The following PCDH15 variants were observed in gnomAD, a reference collection of about 807,000 sequenced individuals.
The protein encoded by PCDH15 is protocadherin related 15, also known as protocadherin-15.
In PCDH15, 129 loss-of-function variants were observed where a neutral mutation model predicts 178.5. The observed-to-expected ratio is 0.72, with a 90% CI of 0.63 to 0.84. PCDH15 has a LOEUF of 0.84. Ranked by LOEUF, PCDH15 falls within the 40% of genes least tolerant of loss-of-function variation. The pLI, the probability that PCDH15 is intolerant of heterozygous loss-of-function variation, is 0.00. For synonymous variants in PCDH15, 800 were observed against 732.0 expected (o/e 1.09, Z -1.50); for missense variants, 2,230 against 2,099.9 (o/e 1.06, Z -1.21).
intron 1 of PCDH15, among the ~76,000 whole-genome samples, chr10:55,204,290 T>G (rs1005388032): frequency 2.0e-5 from 3 of 150,484 alleles, no homozygotes; most frequent in African/African-American, 4.9e-5. Flanking sequence ...GTATTGAATT[T>G]TATGTATATA....
At chr10:54,043,561 T>C (rs543363931) in intron 18 of PCDH15, among the ~76,000 whole-genome samples, 43 of 150,776 alleles carry the variant, frequency 2.9e-4, no homozygotes, top group African/African-American at 1.0e-3. Context: ...CTAATTTTTG[T>C]ATTTTTTTGT....
intron 25 of PCDH15, among the ~76,000 whole-genome samples, chr10:53,916,958 A>T (rs2083577899): frequency 6.6e-6 from 1 of 152,088 alleles, no homozygotes; most frequent in South Asian, 2.1e-4. Context: ...TACCAATAGC[A>T]TGAAATTGAA....
chr10:55,075,529 C>A (rs1723410895), intron 2 of PCDH15, among the ~76,000 whole-genome samples: 1 of 151,858 alleles, frequency 6.6e-6, no homozygotes, highest in Non-Finnish European at 1.5e-5. Flanking sequence ...CCGTGTCCAG[C>A]TAATTTTTGT....
intron 9 of PCDH15, among the ~76,000 whole-genome samples, chr10:54,215,660 A>G (rs1404694221): frequency 1.3e-5 from 2 of 152,220 alleles, no homozygotes; most frequent in Admixed American, 6.5e-5. Flanking sequence ...AGAAAAAGAG[A>G]TAAGTTTAAC....
At chr10:54,374,708 T>C (rs1171575069) in intron 4 of PCDH15, among the ~76,000 whole-genome samples, 2 of 151,622 alleles carry the variant, frequency 1.3e-5, no homozygotes, top group Non-Finnish European at 2.9e-5. Flanking sequence ...AACAAAAAAA[T>C]AAAAATAAGA....
intron 1 of PCDH15, among the ~76,000 whole-genome samples, chr10:55,210,621 T>C (rs1484463958): frequency 1.3e-5 from 1 of 79,828 alleles, no homozygotes; most frequent in African/African-American, 4.2e-5. Flanking sequence ...TTCTTTTCTT[T>C]TTTTTTTTTT....
intron 2 of PCDH15, among the ~76,000 whole-genome samples, chr10:55,350,582 A>G (rs1385024908): frequency 6.6e-6 from 1 of 151,992 alleles, no homozygotes; most frequent in Non-Finnish European, 1.5e-5. Context: ...TTCCACTTCT[A>G]GACATCAAGT....
intron 6 of PCDH15, among the ~76,000 whole-genome samples, chr10:54,345,504 G>A (rs1270202841): frequency 6.6e-6 from 1 of 151,980 alleles, no homozygotes. Context: ...AAGAAAGTGG[G>A]GAGATGTGAG....
At chr10:53,834,203 CA>C (rs1281763884) in intron 29 of PCDH15, among the ~76,000 whole-genome samples, 1 of 152,090 alleles carries the variant, frequency 6.6e-6, no homozygotes, top group East Asian at 1.9e-4. Flanking sequence ...AGGAAAGGGA[CA>C]ATTCTCACGA....
intron 5 of PCDH15, among the ~76,000 whole-genome samples, chr10:54,347,607 A>C (rs1294446975): frequency 6.6e-6 from 1 of 152,076 alleles, no homozygotes; most frequent in Non-Finnish European, 1.5e-5. Flanking sequence ...CTGAAAATTC[A>C]CATTTTACAA....
intron 11 of PCDH15, among the ~76,000 whole-genome samples, chr10:54,187,210 A>G (rs2133835303): frequency 6.6e-6 from 1 of 151,980 alleles, no homozygotes; most frequent in East Asian, 1.9e-4. Flanking sequence ...TTTTGTTCAA[A>G]TCTCATCATT....
At chr10:54,420,257 A>G (rs1955055424) in intron 3 of PCDH15, among the ~76,000 whole-genome samples, 1 of 152,038 alleles carries the variant, frequency 6.6e-6, no homozygotes, top group Admixed American at 6.6e-5. Flanking sequence ...TTCCTTCCTA[A>G]CTTCCCCTGC....
At chr10:55,022,245 G>A (rs936566123) in intron 2 of PCDH15, among the ~76,000 whole-genome samples, 2 of 152,020 alleles carry the variant, frequency 1.3e-5, no homozygotes, top group Non-Finnish European at 2.9e-5. Flanking sequence ...TTGAGATCAG[G>A]AGTTCAAGAC....
intron 2 of PCDH15, among the ~76,000 whole-genome samples, chr10:55,457,989 G>C (rs1053093066): frequency 6.6e-5 from 10 of 151,912 alleles, no homozygotes; most frequent in Admixed American, 2.6e-4. Flanking sequence ...ATCTAATCCT[G>C]AGTACAACAT....
chr10:54,994,533 CTTG>C (rs1431471236), intron 2 of PCDH15, among the ~76,000 whole-genome samples: 1 of 151,914 alleles, frequency 6.6e-6, no homozygotes, highest in East Asian at 1.9e-4. Flanking sequence ...TTCTGAGAAA[CTTG>C]TTGATAGTTT....
chr10:55,193,995 T>G (rs1840014376), intron 1 of PCDH15, among the ~76,000 whole-genome samples: 1 of 152,010 alleles, frequency 6.6e-6, no homozygotes, highest in African/African-American at 2.4e-5. Context: ...GCATGTATGC[T>G]TCCAGTGCAC....
chr10:55,246,617 A>C (rs1308346985), intron 1 of PCDH15, among the ~76,000 whole-genome samples: 1 of 152,198 alleles, frequency 6.6e-6, no homozygotes, highest in East Asian at 1.9e-4. Context: ...AAGAAAAGAA[A>C]ATAGCATTTC....
At chr10:54,814,213 C>T (rs139790726) in intron 3 of PCDH15, among the ~76,000 whole-genome samples, 59 of 152,270 alleles carry the variant, frequency 3.9e-4, no homozygotes, top group Non-Finnish European at 6.2e-4. Flanking sequence ...ATCTTCTTAA[C>T]GGGACCATAC....
At chr10:55,255,753 T>C (rs1470543878) in intron 1 of PCDH15, among the ~76,000 whole-genome samples, 1 of 152,220 alleles carries the variant, frequency 6.6e-6, no homozygotes, top group Non-Finnish European at 1.5e-5. Flanking sequence ...AATGTCTTCT[T>C]TTGAGAAGTG....
Sources: allele counts gnomAD v4.1 joint callset (sites outside exome capture counted in the v4.1 genomes callset), GRCh38; gene constraint gnomAD v4.1.1; transcripts MANE v1.5; gene names NCBI Gene and HGNC (gene_info 2026-07-23, HGNC 2026-07-21).